Variants in ARHGAP32 observed in about 807,000 individuals in gnomAD.
The protein encoded by ARHGAP32 is Rho GTPase activating protein 32.
Under a neutral mutation model 186.5 loss-of-function variants are expected in ARHGAP32, and 51 were observed. The observed-to-expected ratio is 0.27, with a 90% CI of 0.22 to 0.35. The LOEUF is 0.35. Among genes scored for constraint, ARHGAP32 ranks in the 10% least tolerant of loss-of-function variants. The pLI is 1.00. For synonymous variants in ARHGAP32, 950 were observed against 964.3 expected (o/e 0.99, Z 0.27); for missense variants, 2,186 against 2,623.5 (o/e 0.83, Z 3.64).
upstream of ARHGAP32, among the ~76,000 whole-genome samples, chr11:129,194,948 TGG>T (rs60585805): frequency 5.7e-3 from 672 of 118,766 alleles, 1 homozygote; most frequent in African/African-American, 0.019. Flanking sequence ...TGTTTTTTTG[TGG>T]GGGGGGGGGT....
chr11:129,191,511 G>A (rs912711542), intron 1 of ARHGAP32, among the ~76,000 whole-genome samples: 5 of 152,026 alleles, frequency 3.3e-5, no homozygotes, highest in African/African-American at 1.2e-4. Context: ...AATACTACCA[G>A]AGATTCAAAA....
rs561812533 is a variant in ARHGAP32, at chr11:128,965,454, G to C, written c.*3453C>G. On this transcript the variant is annotated 3_prime_UTR_variant, in exon 23 of 23. Coordinates refer to ENST00000682385, the MANE Select transcript of ARHGAP32 (RefSeq NM_001378024.1). ...AGGATGCTTCTCTCATGCAGGTCAT[G>C]GTTGAAAAATCAGGTTTTGCTATCT... 6.6e-6 allele frequency: 1 copy of C among 152,124 alleles called. No homozygotes were observed. The highest frequency in any genetic ancestry group is 1.5e-5 in the Non-Finnish European group (1 of 68,030). The allele number at this position is 152,124 out of a possible 1,614,324, so 9.4% of individuals were successfully genotyped here.
chr11:128,975,246 T>C (rs1410914281), intron 20 of ARHGAP32, among the ~76,000 whole-genome samples: 1 of 152,162 alleles, frequency 6.6e-6, no homozygotes, highest in African/African-American at 2.4e-5. Flanking sequence ...TATTTCATGG[T>C]CTGGAGAGGA....
At chr11:128,982,474 C>CGTGTGTGT (rs60379183) in intron 15 of ARHGAP32, among the ~76,000 whole-genome samples, 4,163 of 147,438 alleles carry the variant, frequency 0.028, 69 homozygotes, top group African/African-American at 0.05. Flanking sequence ...AGGTAAGTGC[C>CGTGTGTGT]GTGTGTGTGT....
At chr11:129,096,127 GA>G (rs1343784871) in intron 5 of ARHGAP32, among the ~76,000 whole-genome samples, 1 of 152,102 alleles carries the variant, frequency 6.6e-6, no homozygotes, top group Non-Finnish European at 1.5e-5. Context: ...TCACATTAAA[GA>G]ATTACAAAAC....
rs1382359649 is a variant in ARHGAP32 at position 129,230,655 on chromosome 11, C to G, written c.-5+48491G>C. ...AGAATATATTTTTAAAATATTATTTCTCATGTATAATATTTCACAATAAGT... is the reference window on the plus strand; with the variant it reads ...AGAATATATTTTTAAAATATTATTTGTCATGTATAATATTTCACAATAAGT... On this transcript the variant is annotated intron_variant, in intron 1 of 6. Transcript: ENST00000525234. 3.9e-5 allele frequency among the ~76,000 whole-genome samples: 6 copies of G among 152,046 alleles called. No homozygotes were observed. The East Asian group carries it at 1.2e-3, about 29-fold the overall frequency.
chr11:129,112,975 TA>T (rs1942269263), intron 5 of ARHGAP32, among the ~76,000 whole-genome samples: 1 of 152,150 alleles, frequency 6.6e-6, no homozygotes, highest in Non-Finnish European at 1.5e-5. Flanking sequence ...TTTTCTTTTT[TA>T]AAAAATAATA....
chr11:129,238,844 A>AT (rs66844087), intron 1 of ARHGAP32, among the ~76,000 whole-genome samples: 55 of 151,338 alleles, frequency 3.6e-4, no homozygotes, highest in Non-Finnish European at 7.2e-4. Context: ...CACAATAATA[A>AT]TTTTTTTTGA....
At chr11:129,032,083 G>A (rs146345172) in intron 11 of ARHGAP32, among the ~76,000 whole-genome samples, 7 of 152,144 alleles carry the variant, frequency 4.6e-5, no homozygotes, top group South Asian at 4.2e-4. Context: ...ATTCATTTGC[G>A]CATCCTGATT....
intron 1 of ARHGAP32, among the ~76,000 whole-genome samples, chr11:129,235,153 T>C (rs531575222): frequency 6.6e-6 from 1 of 152,252 alleles, no homozygotes; most frequent in African/African-American, 2.4e-5. Context: ...CCTGCTGACA[T>C]CTTGATTTCG....
chr11:129,068,576 G>A (rs1408237464), intron 6 of ARHGAP32, among the ~76,000 whole-genome samples: 1 of 152,036 alleles, frequency 6.6e-6, no homozygotes, highest in East Asian at 1.9e-4. Flanking sequence ...GGCATCATCA[G>A]AATTTACAGC....
At chr11:129,092,223 C>T (rs1260895113) in intron 6 of ARHGAP32, among the ~76,000 whole-genome samples, 1 of 151,748 alleles carries the variant, frequency 6.6e-6, no homozygotes, top group Non-Finnish European at 1.5e-5. Flanking sequence ...TTTTAAAAAA[C>T]AGCACAGATT....
intron 2 of ARHGAP32, among the ~76,000 whole-genome samples, chr11:129,133,369 A>C (rs1942862248): frequency 6.6e-6 from 1 of 152,214 alleles, no homozygotes; most frequent in Admixed American, 6.5e-5. Flanking sequence ...AAATTTCTGA[A>C]AACAATACAA....
chr11:128,982,255 A>G (rs1945724301), intron 15 of ARHGAP32, among the ~76,000 whole-genome samples: 2 of 152,212 alleles, frequency 1.3e-5, no homozygotes, highest in Admixed American at 1.3e-4. Flanking sequence ...AACAGTTACA[A>G]GAAAAATTCC....
intron 10 of ARHGAP32, among the ~76,000 whole-genome samples, chr11:129,042,794 A>C (rs1288514926): frequency 2.6e-5 from 4 of 152,190 alleles, no homozygotes. Context: ...TTCCAGATGT[A>C]GTCTCCGGTG....
intron 1 of ARHGAP32, among the ~76,000 whole-genome samples, chr11:129,235,424 C>T (rs1374356392): frequency 6.6e-6 from 1 of 152,130 alleles, no homozygotes; most frequent in Non-Finnish European, 1.5e-5. Flanking sequence ...ATATGTGTAA[C>T]CTAGTCTAAA....
chr11:129,222,847 G>C (rs10893999), intron 1 of ARHGAP32, among the ~76,000 whole-genome samples: 31,101 of 152,034 alleles, frequency 0.2, 3,333 homozygotes, highest in Non-Finnish European at 0.23. Context: ...TTCTGACTGA[G>C]TATGGCTGGA....
intron 11 of ARHGAP32, among the ~76,000 whole-genome samples, chr11:129,004,491 T>G (rs1351642353): frequency 6.6e-6 from 1 of 152,154 alleles, no homozygotes; most frequent in Admixed American, 6.5e-5. Context: ...ATTATTGTAT[T>G]GGGATCTATC....
rs183382266 is a variant in ARHGAP32, at chr11:129,214,750, T to C, written c.-4-50323A>G. Among the ~76,000 whole-genome samples, 59 of 152,346 alleles carry C rather than the reference T, an allele frequency of 3.9e-4. 2 individuals carry two copies. The East Asian group carries it at 0.011, about 29-fold the overall frequency. On this transcript the variant is annotated intron_variant, in intron 1 of 6. Coordinates refer to the ARHGAP32 transcript ENST00000525234. Reference sequence around the variant, plus strand: ...CAGCATTTGCTTACGCGTGACTTCATCTGACAAGAGCACTAGGTACGGTCA... The same window carrying C: ...CAGCATTTGCTTACGCGTGACTTCACCTGACAAGAGCACTAGGTACGGTCA...
Sources: allele counts gnomAD v4.1 joint callset (sites outside exome capture counted in the v4.1 genomes callset), GRCh38; gene constraint gnomAD v4.1.1; transcripts MANE v1.5; gene names NCBI Gene and HGNC (gene_info 2026-07-23, HGNC 2026-07-21).